Variants in PTPRB observed in about 807,000 individuals in gnomAD.
The protein encoded by PTPRB is protein tyrosine phosphatase receptor type B.
A neutral mutation model predicts 238.1 loss-of-function variants in PTPRB; 97 were observed. The observed-to-expected ratio is 0.41, with a 90% CI of 0.35 to 0.48. The LOEUF is 0.48. PTPRB is among the 20% of genes least tolerant of loss of function. The pLI is 0.30. For missense variants in PTPRB, 2,292 were observed against 2,681.9 expected, an observed-to-expected ratio of 0.85 and a Z score of 3.21; for synonymous variants, 970 against 995.4, an observed-to-expected ratio of 0.97 and a Z score of 0.48.
Position 70,571,871 on chromosome 12 carries a change from G to A in PTPRB, c.3059C>T (p.Thr1020Ile), listed in dbSNP as rs1444411848. 5 of 1,613,718 alleles carry A rather than the reference G, an allele frequency of 3.1e-6. No homozygotes were observed. The highest frequency in any genetic ancestry group is 4.2e-6 in the Non-Finnish European group (5 of 1,179,828). ...PGRLYSVTVTTKSGQYEANEQ... is the reference protein window; with the variant it reads ...PGRLYSVTVTIKSGQYEANEQ... ...ATTGGCTTCATATTGTCCACTTTTT[G>A]TAGTAACAGTGACACTGTACAACCG... is the stretch of plus-strand genomic sequence containing the variant. Residue 1020 changes from threonine to isoleucine, a missense_variant, in exon 12 of 34, where the codon ACA (threonine) becomes ATA (isoleucine). Transcript: ENST00000334414.
At position 70,571,015 on chromosome 12, in the gene PTPRB, T is replaced by G. The variant is rs777685844; in HGVS notation, c.3370+11A>C. 1.2e-6 allele frequency: 2 copies of G among 1,613,340 alleles called. No individual in the cohort carries two copies. The highest frequency in any genetic ancestry group is 2.2e-5 in the South Asian group (2 of 91,010). On this transcript the variant is annotated intron_variant, in intron 13 of 33. Transcript: ENST00000334414. Reference sequence around the variant, plus strand: ...CATCTATTCAGGTTCAAGAACAGTATTTCACATTACCTGTGAAGCCCTCAA... The same window carrying G: ...CATCTATTCAGGTTCAAGAACAGTAGTTCACATTACCTGTGAAGCCCTCAA...
intron 3 of PTPRB, among the ~76,000 whole-genome samples, chr12:70,615,661 A>T (rs550289577): frequency 6.6e-6 from 1 of 152,194 alleles, no homozygotes; most frequent in East Asian, 1.9e-4. Context: ...AGTTCCTGCC[A>T]CCCCACCCTT....
rs774064054 is a variant in PTPRB, at chr12:70,559,339, A to G, written c.4714+4T>C. The G allele has an allele frequency of 1.2e-5, 19 of 1,605,746 alleles. No individual in the cohort carries two copies. Among genetic ancestry groups the G allele is most frequent in the Middle Eastern group, 3.3e-4 (2 of 6,068 alleles). Reference sequence around the variant, plus strand: ...AGAAATAAGAGTAGCAAAACATGTCATACTTGTCCTCACAGATCCAAAAAT... The same window carrying G: ...AGAAATAAGAGTAGCAAAACATGTCGTACTTGTCCTCACAGATCCAAAAAT... On this transcript the variant is annotated splice_donor_region_variant and intron_variant, in intron 18 of 33. Transcript: ENST00000334414.
chr12:70,577,756 C>T lies in PTPRB; in HGVS notation c.2579-1111G>A, dbSNP rs573736461. ...TACCTTATACTTAAAAGCACTTATC[C>T]ATCACTAAAAATTATAAACTGCATT... On this transcript the variant is annotated intron_variant, in intron 10 of 33. Coordinates refer to ENST00000334414, the MANE Select transcript of PTPRB (RefSeq NM_001109754.4). Among the ~76,000 whole-genome samples, 6 of 152,260 alleles carry T rather than the reference C, an allele frequency of 3.9e-5. No individual in the cohort carries two copies. In the South Asian group the frequency reaches 8.3e-4, roughly 21 times the overall value.
chr12:70,622,700 T>A (rs1179394103), intron 2 of PTPRB, 54 bp from the exon 3 acceptor site: 10 of 1,479,348 alleles, frequency 6.8e-6, no homozygotes, highest in Non-Finnish European at 8.1e-6. Flanking sequence ...TATGAATTCT[T>A]CACATAAAAT....
At chr12:70,618,460 T>C (rs1884775009) in intron 3 of PTPRB, among the ~76,000 whole-genome samples, 1 of 152,170 alleles carries the variant, frequency 6.6e-6, no homozygotes, top group Non-Finnish European at 1.5e-5. Context: ...TCCTGTCTTA[T>C]GAGGCAGAGT....
At chr12:70,615,323 A>C (rs1158780835) in intron 3 of PTPRB, among the ~76,000 whole-genome samples, 1 of 152,132 alleles carries the variant, frequency 6.6e-6, no homozygotes, top group Non-Finnish European at 1.5e-5. Context: ...GACATTTAAC[A>C]GCTGCTCAGT....
intron 9 of PTPRB, among the ~76,000 whole-genome samples, chr12:70,583,720 C>T (rs922862610): frequency 6.6e-6 from 1 of 152,062 alleles, no homozygotes; most frequent in Non-Finnish European, 1.5e-5. Flanking sequence ...CCCAGGTGAT[C>T]AAAGAACCTA....
intron 16 of PTPRB, 142 bp downstream of exon 16, chr12:70,562,702 G>C: frequency 1.9e-6 from 2 of 1,060,036 alleles, no homozygotes; most frequent in South Asian, 3.4e-5. Context: ...GTGCGATTTA[G>C]GGTCAAACAG....
intron 30 of PTPRB, 69 bp downstream of exon 30, chr12:70,534,764 C>T (rs550537027): frequency 1.2e-5 from 20 of 1,600,418 alleles, no homozygotes; most frequent in South Asian, 5.6e-5. Context: ...GAGGAACCAG[C>T]GAAAGTGGGG....
At chr12:70,631,784 C>T (rs879728562) in intron 2 of PTPRB, among the ~76,000 whole-genome samples, 6 of 152,210 alleles carry the variant, frequency 3.9e-5, no homozygotes, top group Non-Finnish European at 8.8e-5. Flanking sequence ...TGAACAGACA[C>T]TTCTAAAAAG....
At chr12:70,600,091 T>C (rs906822859) in intron 4 of PTPRB, among the ~76,000 whole-genome samples, 5 of 152,176 alleles carry the variant, frequency 3.3e-5, no homozygotes, top group African/African-American at 1.2e-4. Flanking sequence ...AACATTAGTA[T>C]TTATTGATAT....
At chr12:70,531,397 T>C (rs1338489096) in intron 32 of PTPRB, among the ~76,000 whole-genome samples, 1 of 152,100 alleles carries the variant, frequency 6.6e-6, no homozygotes, top group Non-Finnish European at 1.5e-5. Flanking sequence ...TTAGAAGGCA[T>C]TGATGCAGAG....
intron 3 of PTPRB, among the ~76,000 whole-genome samples, chr12:70,620,628 G>T (rs776376317): frequency 5.3e-5 from 8 of 152,226 alleles, no homozygotes; most frequent in Middle Eastern, 3.4e-3. Flanking sequence ...ATGAGGAGGT[G>T]CTCCTCCAAG....
chr12:70,545,864 C>A (rs944578021), intron 21 of PTPRB, among the ~76,000 whole-genome samples: 66 of 152,230 alleles, frequency 4.3e-4, no homozygotes, highest in Admixed American at 7.2e-4. Flanking sequence ...AGGCTGGGAG[C>A]GGTGGCTCAC....
intron 20 of PTPRB, among the ~76,000 whole-genome samples, 189 bp downstream of exon 20, chr12:70,554,971 T>C (rs1189219854): frequency 2.6e-5 from 4 of 152,216 alleles, no homozygotes; most frequent in Non-Finnish European, 5.9e-5. Context: ...ATAACAGGCT[T>C]TATTGCCCAA....
intron 11 of PTPRB, among the ~76,000 whole-genome samples, chr12:70,572,873 C>T (rs11612528): frequency 0.19 from 28,237 of 151,598 alleles, 2,739 homozygotes; most frequent in South Asian, 0.21. Flanking sequence ...TTCCACATCA[C>T]TGGTGATCAA....
At position 70,576,463 on chromosome 12, in the gene PTPRB, T is replaced by A; in HGVS notation, c.2761A>T (p.Thr921Ser). 6.3e-7 allele frequency: 1 copy of A among 1,595,732 alleles called. No homozygotes were observed. Among genetic ancestry groups the A allele is most frequent in the Non-Finnish European group, 8.5e-7 (1 of 1,170,524 alleles). Residue 921 changes from threonine (T) to serine (S), a missense_variant, in exon 11 of 34, where the codon ACC (threonine) becomes TCC (serine). Transcript: ENST00000334414. ...GTCACGGTGTAGAGGCGGCCTGGGG[T>A]GAGGGAGCTGAAGGAACATTCTCTG... Reference protein sequence around the residue: ...SVRECSFSSLTPGRLYTVTIT... With the variant: ...SVRECSFSSLSPGRLYTVTIT...
intron 22 of PTPRB, among the ~76,000 whole-genome samples, chr12:70,543,631 G>A (rs1197310031): frequency 6.6e-6 from 1 of 152,290 alleles, no homozygotes; most frequent in Middle Eastern, 3.4e-3. Flanking sequence ...AGTTTTAGCT[G>A]TAAAGAACTT....
Sources: allele counts gnomAD v4.1 joint callset (sites outside exome capture counted in the v4.1 genomes callset), GRCh38; gene constraint gnomAD v4.1.1; transcripts MANE v1.5; gene names NCBI Gene and HGNC (gene_info 2026-07-23, HGNC 2026-07-21).